The following ABLIM1 variants were observed in gnomAD, a reference collection of about 807,000 sequenced individuals.
The protein encoded by ABLIM1 is actin binding LIM protein 1.
ABLIM1 carries 40 observed loss-of-function variants against 107.0 expected under a neutral mutation model. The ratio of observed to expected loss-of-function variants is 0.37; its 90% CI spans 0.29 to 0.49. The LOEUF (loss-of-function observed/expected upper bound fraction) is 0.49, where lower values mean the gene tolerates loss of function less well. Among genes scored for constraint, ABLIM1 ranks in the 20% least tolerant of loss-of-function variants. The pLI is 0.97. For missense variants in ABLIM1, 857 were observed against 1,008.5 expected, an observed-to-expected ratio of 0.85 and a Z score of 2.04; for synonymous variants, 357 against 357.3, an observed-to-expected ratio of 1.00 and a Z score of 0.01.
At chr10:114,753,135 G>A (rs1436187964) in intron 1 of ABLIM1, among the ~76,000 whole-genome samples, 1 of 152,146 alleles carries the variant, frequency 6.6e-6, no homozygotes, top group East Asian at 1.9e-4. Flanking sequence ...CTCTGGTATA[G>A]AAATGGTCTC....
At chr10:114,720,533 C>G (rs148041088) in intron 1 of ABLIM1, among the ~76,000 whole-genome samples, 213 of 152,262 alleles carry the variant, frequency 1.4e-3, no homozygotes, top group Middle Eastern at 3.4e-3. Flanking sequence ...TCGCCAGCAT[C>G]TGTTGGAGAA....
chr10:114,673,371 T>C (rs2080342950), intron 1 of ABLIM1, among the ~76,000 whole-genome samples: 2 of 152,224 alleles, frequency 1.3e-5, no homozygotes, highest in South Asian at 4.1e-4. Flanking sequence ...CCCATTAATT[T>C]GTATAGCAAT....
At chr10:114,613,345 G>A (rs867328048) in intron 1 of ABLIM1, among the ~76,000 whole-genome samples, 10 of 152,258 alleles carry the variant, frequency 6.6e-5, no homozygotes, top group Middle Eastern at 6.8e-3. Flanking sequence ...TGGGAGAGCC[G>A]GCTATGCCCA....
At chr10:114,547,571 C>T in intron 5 of ABLIM1, 79 bp downstream of exon 5, 2 of 1,577,138 alleles carry the variant, frequency 1.3e-6, no homozygotes, top group Non-Finnish European at 8.6e-7. Context: ...TGGGGTGGGG[C>T]CCCTGAGACC....
intron 9 of ABLIM1, 103 bp downstream of exon 9, chr10:114,473,776 G>C: frequency 1.2e-6 from 1 of 864,760 alleles, no homozygotes; most frequent in Non-Finnish European, 1.8e-6. Flanking sequence ...AACAAAAATA[G>C]AAATCACTTT....
At chr10:114,755,151 G>A (rs1011763539) in intron 1 of ABLIM1, among the ~76,000 whole-genome samples, 1 of 152,124 alleles carries the variant, frequency 6.6e-6, no homozygotes, top group Admixed American at 6.6e-5. Flanking sequence ...CCACCTGAAC[G>A]CCACCTCCTG....
At chr10:114,726,988 G>A (rs2081974543) in intron 1 of ABLIM1, among the ~76,000 whole-genome samples, 1 of 152,182 alleles carries the variant, frequency 6.6e-6, no homozygotes, top group Non-Finnish European at 1.5e-5. Context: ...CAGAAACAAT[G>A]TTCAGTGTGA....
At chr10:114,616,239 C>T (rs141076220) in intron 1 of ABLIM1, among the ~76,000 whole-genome samples, 10 of 152,280 alleles carry the variant, frequency 6.6e-5, no homozygotes, top group African/African-American at 2.2e-4. Context: ...ATTGCCTGCC[C>T]CACTCCTCCC....
At chr10:114,622,861 A>T (rs1334399527) in intron 1 of ABLIM1, among the ~76,000 whole-genome samples, 1 of 152,256 alleles carries the variant, frequency 6.6e-6, no homozygotes, top group Non-Finnish European at 1.5e-5. Flanking sequence ...AGTGGTAGTA[A>T]ATGAAACACT....
At chr10:114,583,687 T>C (rs2139335020) in intron 2 of ABLIM1, among the ~76,000 whole-genome samples, 1 of 151,848 alleles carries the variant, frequency 6.6e-6, no homozygotes, top group East Asian at 1.9e-4. Flanking sequence ...ATCACAGCCC[T>C]GTTTACAACA....
intron 6 of ABLIM1, among the ~76,000 whole-genome samples, chr10:114,520,084 C>G (rs549142409): frequency 6.6e-6 from 1 of 152,248 alleles, no homozygotes; most frequent in East Asian, 1.9e-4. Flanking sequence ...TGCCTGAAGA[C>G]TCCCACTGCA....
chr10:114,678,890 A>G (rs553903536), intron 1 of ABLIM1, among the ~76,000 whole-genome samples: 2 of 152,298 alleles, frequency 1.3e-5, no homozygotes, highest in African/African-American at 4.8e-5. Flanking sequence ...GTCTCAGTGC[A>G]TGTCTATTCA....
At chr10:114,453,301 G>C (rs891001189) in intron 13 of ABLIM1, 78 bp downstream of exon 13, 100 of 1,443,884 alleles carry the variant, frequency 6.9e-5, no homozygotes, top group Non-Finnish European at 9.0e-5. Flanking sequence ...GAGCATGAGA[G>C]ATGAGACAAG....
chr10:114,483,594 T>A (rs17717158), intron 8 of ABLIM1, among the ~76,000 whole-genome samples: 1 of 152,180 alleles, frequency 6.6e-6, no homozygotes, highest in African/African-American at 2.4e-5. Flanking sequence ...CTTCATTCTA[T>A]CAATGAGGAA....
chr10:114,684,971 T>A (rs1591823466), exon 1 of ABLIM1: 1 of 156,006 alleles, frequency 6.4e-6, no homozygotes, highest in African/African-American at 2.4e-5. Context: ...TCATTATGGC[T>A]TTGGAAACAG....
At chr10:114,730,912 A>G (rs1390585739) in intron 1 of ABLIM1, among the ~76,000 whole-genome samples, 1 of 152,086 alleles carries the variant, frequency 6.6e-6, no homozygotes, top group African/African-American at 2.4e-5. Flanking sequence ...GAATCACACA[A>G]TATCTGATCT....
At chr10:114,576,557 T>A (rs1199900408) in intron 2 of ABLIM1, among the ~76,000 whole-genome samples, 1 of 152,172 alleles carries the variant, frequency 6.6e-6, no homozygotes, top group Non-Finnish European at 1.5e-5. Flanking sequence ...AGTAAATTGC[T>A]TTCCTAAGGA....
rs553200873 is a variant in ABLIM1, at chr10:114,604,996, C to T, written c.245-3035G>A. Among the ~76,000 whole-genome samples, 133 of 152,312 alleles carry T rather than the reference C, an allele frequency of 8.7e-4. 2 individuals are homozygous for T. The highest frequency in any genetic ancestry group is 2.9e-5 in the Non-Finnish European group (2 of 68,016). On this transcript the variant is annotated intron_variant, in intron 1 of 22. Transcript: ENST00000533213. Reference sequence around the variant, plus strand: ...GCATAAGTTTCCCTTTGGAAATATACATTACACCACAAAGTCCCCCATGCC... The same window carrying T: ...GCATAAGTTTCCCTTTGGAAATATATATTACACCACAAAGTCCCCCATGCC...
chr10:114,508,468 G>A (rs1241052512), intron 6 of ABLIM1, among the ~76,000 whole-genome samples: 1 of 152,224 alleles, frequency 6.6e-6, no homozygotes, highest in Non-Finnish European at 1.5e-5. Flanking sequence ...GGAGGTCGAG[G>A]CAGGATGATT....
Sources: gnomAD v4.1 joint callset for allele counts (sites outside exome capture counted in the v4.1 genomes callset) on GRCh38, gnomAD v4.1.1 for gene constraint, MANE v1.5 for transcripts, NCBI Gene and HGNC (gene_info 2026-07-23, HGNC 2026-07-21) for gene names.